PACSIN2: variants seen among roughly 807,000 people sequenced by gnomAD.
PACSIN2 encodes the protein protein kinase C and casein kinase substrate in neurons protein 2.
In PACSIN2, 25 loss-of-function variants were observed where a neutral mutation model predicts 63.8. The observed-to-expected ratio is 0.39, with a 90% CI of 0.29 to 0.55. The LOEUF is 0.55. PACSIN2 is among the 20% of genes least tolerant of loss of function. PACSIN2 has a pLI of 0.62. For synonymous variants in PACSIN2, 255 were observed against 256.2 expected (o/e 1.00, Z 0.05); for missense variants, 518 against 646.9 (o/e 0.80, Z 2.16).
chr22:42,894,196 G>A (rs1361311362), intron 2 of PACSIN2, among the ~76,000 whole-genome samples: 8 of 152,074 alleles, frequency 5.3e-5, no homozygotes, highest in South Asian at 2.1e-4. Context: ...GAGAAGTTAC[G>A]TGGTTTGTCA....
intron 1 of PACSIN2, among the ~76,000 whole-genome samples, chr22:42,927,731 G>A (rs1384734976): frequency 6.6e-6 from 1 of 151,816 alleles, no homozygotes; most frequent in Non-Finnish European, 1.5e-5. Flanking sequence ...GGGATTAGAA[G>A]CATGCACCAC....
At chr22:42,969,120 GC>G (rs1446940790) in intron 1 of PACSIN2, among the ~76,000 whole-genome samples, 1 of 152,052 alleles carries the variant, frequency 6.6e-6, no homozygotes, top group Non-Finnish European at 1.5e-5. Context: ...TACATCTAAA[GC>G]CTCTAGGCAA....
At chr22:43,011,083 C>T (rs1482089748) in intron 1 of PACSIN2, among the ~76,000 whole-genome samples, 1 of 152,216 alleles carries the variant, frequency 6.6e-6, no homozygotes, top group African/African-American at 2.4e-5. Context: ...GAAATTCCTA[C>T]AAAACTATCC....
chr22:42,918,749 G>A (rs1182531486), intron 1 of PACSIN2, among the ~76,000 whole-genome samples: 8 of 152,220 alleles, frequency 5.3e-5, no homozygotes, highest in African/African-American at 1.9e-4. Flanking sequence ...CTGCCAGGGA[G>A]GCTGGAGCCT....
chr22:42,876,390 C>A, intron 9 of PACSIN2, 57 bp from the exon 10 acceptor site: 1 of 1,490,602 alleles, frequency 6.7e-7, no homozygotes, highest in South Asian at 1.2e-5. Context: ...GGGTGTGAGG[C>A]CCCCGCCCCG....
At chr22:42,912,520 G>T (rs5759029) in intron 1 of PACSIN2, among the ~76,000 whole-genome samples, 67,704 of 152,066 alleles carry the variant, frequency 0.45, 15,600 homozygotes, top group Non-Finnish European at 0.48. Context: ...CTCCAGAGTG[G>T]CTACCACATT....
At chr22:42,967,537 T>C (rs1920976483) in intron 1 of PACSIN2, among the ~76,000 whole-genome samples, 1 of 152,216 alleles carries the variant, frequency 6.6e-6, no homozygotes, top group South Asian at 2.1e-4. Context: ...AATTATACTG[T>C]TGGTGTTTCA....
In PACSIN2 at chr22:42,893,605, G is replaced by A; in HGVS notation, c.69C>T (p.Asn23=). 2.5e-6 allele frequency: 4 copies of A among 1,613,810 alleles called. No individual in the cohort carries two copies. The highest frequency in any genetic ancestry group is 3.4e-6 in the Non-Finnish European group (4 of 1,179,778). The stretch of plus-strand genomic sequence containing the variant: ...CGATCCGCTTCACAGTCCGCTTGTA[G>A]TTCCCGACCTAGGAGAGAGAACCAG... ...VSSDSFWEVG[N]YKRTVKRIDD... Residue 23 remains asparagine, a synonymous_variant, in exon 3 of 11, where the codon AAC becomes AAT. Transcript: ENST00000263246.
intron 1 of PACSIN2, among the ~76,000 whole-genome samples, chr22:42,985,833 T>C (rs1327051993): frequency 6.6e-6 from 1 of 152,138 alleles, no homozygotes; most frequent in Non-Finnish European, 1.5e-5. Flanking sequence ...AAAACCCAGG[T>C]TCTCCACAGT....
At chr22:42,877,039 C>T in intron 8 of PACSIN2, 29 bp from the exon 9 acceptor site, 2 of 1,613,152 alleles carry the variant, frequency 1.2e-6, no homozygotes, top group Non-Finnish European at 1.7e-6. Flanking sequence ...TTCAGGGGAT[C>T]CCAGCTCTGC....
At chr22:42,982,888 A>AAACAAAAAAAAAAAAAAC (rs1922315415) in intron 1 of PACSIN2, among the ~76,000 whole-genome samples, 1 of 105,158 alleles carries the variant, frequency 9.5e-6, no homozygotes, top group Non-Finnish European at 2.1e-5. Flanking sequence ...AAAAAAAAAA[A>AAACAAAAAAAAAAAAAAC]AACAACAACA....
intron 5 of PACSIN2, among the ~76,000 whole-genome samples, chr22:42,888,021 G>A (rs964378487): frequency 6.0e-5 from 9 of 150,674 alleles, no homozygotes; most frequent in East Asian, 4.0e-4. Context: ...CCAGACAAGC[G>A]CTCCCAGCCT....
In PACSIN2 at chr22:42,987,643, T is replaced by C. The variant is rs550173656; in HGVS notation, c.-78+27378A>G. On this transcript the variant is annotated intron_variant, in intron 1 of 10. Transcript: ENST00000263246. ...GCCTCCCGGGTTCAAGCGATTCTCC[T>C]GCCTCAGCGTCCCAAGTAGCTGGGA... Among the ~76,000 whole-genome samples, 85 of 146,672 alleles carry C rather than the reference T, an allele frequency of 5.8e-4. 1 individual carries two copies. In the East Asian group the frequency reaches 0.018, roughly 31 times the overall value.
At chr22:42,930,068 G>A (rs11705340) in intron 1 of PACSIN2, among the ~76,000 whole-genome samples, 2 of 152,138 alleles carry the variant, frequency 1.3e-5, no homozygotes, top group Non-Finnish European at 2.9e-5. Flanking sequence ...CACAAAGTTC[G>A]CCGTGTTAAA....
chr22:42,904,861 C>A (rs888294591), intron 2 of PACSIN2, among the ~76,000 whole-genome samples: 2 of 152,344 alleles, frequency 1.3e-5, no homozygotes, highest in East Asian at 3.9e-4. Context: ...TGCCTGGGCA[C>A]CCCAGCTCCG....
At chr22:42,894,281 G>A (rs915411008) in intron 2 of PACSIN2, among the ~76,000 whole-genome samples, 5 of 151,746 alleles carry the variant, frequency 3.3e-5, no homozygotes, top group East Asian at 3.9e-4. Context: ...TCTCGCTGTC[G>A]TCAGGCTGGA....
intron 1 of PACSIN2, among the ~76,000 whole-genome samples, chr22:42,985,866 C>G (rs932615364): frequency 2.0e-5 from 3 of 152,184 alleles, no homozygotes; most frequent in Non-Finnish European, 4.4e-5. Flanking sequence ...TGAAGTGATT[C>G]TCCACCCTCC....
intron 1 of PACSIN2, among the ~76,000 whole-genome samples, chr22:42,942,678 T>C (rs1601555794): frequency 6.6e-6 from 1 of 152,228 alleles, no homozygotes; most frequent in African/African-American, 2.4e-5. Context: ...CTTTCCCCCA[T>C]TGAACTGGCT....
intron 1 of PACSIN2, among the ~76,000 whole-genome samples, chr22:42,970,514 AG>A (rs936189496): frequency 1.5e-4 from 23 of 152,236 alleles, no homozygotes; most frequent in African/African-American, 5.3e-4. Flanking sequence ...CATTAGAGAA[AG>A]TCAGGCAAAA....
Sources: gnomAD v4.1 joint callset for allele counts (sites outside exome capture counted in the v4.1 genomes callset) on GRCh38, gnomAD v4.1.1 for gene constraint, MANE v1.5 for transcripts, NCBI Gene and HGNC (gene_info 2026-07-23, HGNC 2026-07-21) for gene names.